SORCS1: variants seen among roughly 807,000 people sequenced by gnomAD.
SORCS1 encodes sortilin related VPS10 domain containing receptor 1.
In SORCS1, 60 loss-of-function variants were observed where a neutral mutation model predicts 146.1. That is an observed-to-expected ratio of 0.41 (90% confidence interval 0.33 to 0.51). SORCS1 has a LOEUF of 0.51. SORCS1 is among the 20% of genes least tolerant of loss of function. SORCS1 has a pLI of 0.21. For missense variants in SORCS1, 1,352 were observed against 1,487.6 expected (o/e 0.91, Z 1.50); for synonymous variants, 637 against 584.0 (o/e 1.09, Z -1.31).
At chr10:107,095,231 A>T (rs1158914026) in intron 1 of SORCS1, among the ~76,000 whole-genome samples, 1 of 152,196 alleles carries the variant, frequency 6.6e-6, no homozygotes, top group Non-Finnish European at 1.5e-5. Context: ...AGTCTATCAG[A>T]GGGCTGATGC....
rs1235246650 is a variant in SORCS1 at position 106,873,069 on chromosome 10, G to A, written c.627-43396C>T. ...AGCACCTGTAGTCCCAGCTACTTGG[G>A]AGGCTGAGGCAGGAGAATCACTTGA... On this transcript the variant is annotated intron_variant, in intron 2 of 25. Coordinates refer to ENST00000263054, the MANE Select transcript of SORCS1 (RefSeq NM_052918.5). Among the ~76,000 whole-genome samples, 4 of 152,246 alleles carry A rather than the reference G, an allele frequency of 2.6e-5. No homozygotes were observed. The East Asian group carries it at 7.7e-4, about 29-fold the overall frequency.
intron 2 of SORCS1, among the ~76,000 whole-genome samples, chr10:106,948,288 GA>G (rs58693047): frequency 0.64 from 94,610 of 148,810 alleles, 29,962 homozygotes; most frequent in East Asian, 0.67. Flanking sequence ...ACAGTTTTTT[GA>G]AAAAAAAAAA....
At chr10:106,957,894 G>A (rs1482311789) in intron 1 of SORCS1, among the ~76,000 whole-genome samples, 1 of 152,198 alleles carries the variant, frequency 6.6e-6, no homozygotes. Flanking sequence ...GATTTTGTCT[G>A]ACGCCAGAAG....
intron 1 of SORCS1, among the ~76,000 whole-genome samples, chr10:107,051,037 T>A (rs1960059288): frequency 6.6e-6 from 1 of 152,094 alleles, no homozygotes; most frequent in Non-Finnish European, 1.5e-5. Context: ...CTTCCCTCCC[T>A]TCCTTCCACA....
At chr10:106,811,152 C>T (rs1467065721) in intron 3 of SORCS1, among the ~76,000 whole-genome samples, 5 of 151,980 alleles carry the variant, frequency 3.3e-5, no homozygotes, top group African/African-American at 1.2e-4. Context: ...CTCGGCCAGG[C>T]TGGTCTTGAT....
intron 2 of SORCS1, among the ~76,000 whole-genome samples, chr10:106,861,094 G>T (rs138932153): frequency 1.3e-5 from 2 of 152,160 alleles, no homozygotes; most frequent in Non-Finnish European, 2.9e-5. Context: ...TTATTGTCCC[G>T]ACTTAAGAAT....
chr10:106,578,148 A>T (rs1018543438), intron 25 of SORCS1: 13 of 152,382 alleles, frequency 8.5e-5, no homozygotes, highest in African/African-American at 3.1e-4. Context: ...CAGGATCTAG[A>T]TGTAAACATA....
At chr10:106,912,240 A>T (rs781305010) in intron 2 of SORCS1, among the ~76,000 whole-genome samples, 3 of 152,210 alleles carry the variant, frequency 2.0e-5, no homozygotes, top group Non-Finnish European at 4.4e-5. Context: ...GAAAAGTAAG[A>T]ATGAAATCCA....
In SORCS1 at chr10:107,094,028, C is replaced by T. The variant is rs184221787; in HGVS notation, c.558+69941G>A. ...CGAATTCTTATCACTCTATTTAAAACTTCGAAAACCCCACTTCTCCCAGAC... is the reference window on the plus strand; with the variant it reads ...CGAATTCTTATCACTCTATTTAAAATTTCGAAAACCCCACTTCTCCCAGAC... On this transcript the variant is annotated intron_variant, in intron 1 of 25. Coordinates refer to ENST00000263054, the MANE Select transcript of SORCS1 (RefSeq NM_052918.5). Among the ~76,000 whole-genome samples the T allele has an allele frequency of 4.2e-4, 64 of 152,276 alleles. 2 individuals are homozygous for T. The highest frequency in any genetic ancestry group is 1.5e-3 in the African/African-American group (64 of 41,556).
intron 24 of SORCS1, among the ~76,000 whole-genome samples, chr10:106,588,816 A>G (rs184951436): frequency 0.038 from 5,160 of 136,306 alleles, 269 homozygotes; most frequent in East Asian, 0.28. Context: ...AGCCGAGATC[A>G]CGCCACTGCA....
chr10:106,921,709 A>G (rs1952720312), intron 2 of SORCS1, among the ~76,000 whole-genome samples: 1 of 152,166 alleles, frequency 6.6e-6, no homozygotes, highest in African/African-American at 2.4e-5. Context: ...AACTATAAGG[A>G]CTCAATAAAA....
chr10:106,901,910 G>T (rs1391216896), intron 2 of SORCS1, among the ~76,000 whole-genome samples: 1 of 152,078 alleles, frequency 6.6e-6, no homozygotes, highest in African/African-American at 2.4e-5. Flanking sequence ...CAGGCATGGT[G>T]GCGGGCACCT....
intron 7 of SORCS1, among the ~76,000 whole-genome samples, chr10:106,707,764 A>T (rs969890986): frequency 6.6e-6 from 1 of 152,164 alleles, no homozygotes; most frequent in African/African-American, 2.4e-5. Flanking sequence ...CAGCCAGCAC[A>T]TGAGCAACCT....
chr10:106,867,572 C>T (rs1205394641), intron 2 of SORCS1, among the ~76,000 whole-genome samples: 7 of 152,116 alleles, frequency 4.6e-5, no homozygotes, highest in Admixed American at 1.3e-4. Context: ...CGTGAGCCAC[C>T]GCACCCGGCC....
chr10:106,787,852 C>A (rs1946125458), intron 3 of SORCS1, among the ~76,000 whole-genome samples: 2 of 152,138 alleles, frequency 1.3e-5, no homozygotes, highest in Non-Finnish European at 2.9e-5. Flanking sequence ...TGTGACTATA[C>A]AAAAGCCATT....
intron 1 of SORCS1, among the ~76,000 whole-genome samples, chr10:107,072,478 T>C (rs2134188487): frequency 6.6e-6 from 1 of 152,238 alleles, no homozygotes; most frequent in Middle Eastern, 3.4e-3. Flanking sequence ...TGTAACGATT[T>C]AGTTAATATA....
chr10:107,170,413 A>T, the SORCS1 span, among the ~76,000 whole-genome samples: 4 of 152,342 alleles, frequency 2.6e-5, no homozygotes, highest in African/African-American at 9.6e-5. Context: ...TACCTCAAAA[A>T]ACTCTTTAAA....
At chr10:107,007,176 G>A (rs1957487660) in intron 1 of SORCS1, among the ~76,000 whole-genome samples, 1 of 152,204 alleles carries the variant, frequency 6.6e-6, no homozygotes, top group Admixed American at 6.5e-5. Context: ...TGGTAACTGT[G>A]TGTGGTGATT....
chr10:106,580,419 C>G (rs1044068598), intron 24 of SORCS1, among the ~76,000 whole-genome samples: 5 of 152,198 alleles, frequency 3.3e-5, no homozygotes, highest in Non-Finnish European at 7.3e-5. Context: ...TCTCCACCTT[C>G]CCCCATCTCA....
Sources: allele counts gnomAD v4.1 joint callset (sites outside exome capture counted in the v4.1 genomes callset), GRCh38; gene constraint gnomAD v4.1.1; transcripts MANE v1.5; gene names NCBI Gene and HGNC (gene_info 2026-07-23, HGNC 2026-07-21).